Variants in RELCH observed in about 807,000 individuals in gnomAD.
RELCH encodes RAB11-binding protein RELCH.
RELCH carries 41 observed loss-of-function variants against 150.3 expected under a neutral mutation model. The ratio of observed to expected loss-of-function variants is 0.27; its 90% CI spans 0.21 to 0.35. The LOEUF is 0.35. RELCH is among the 10% of genes least tolerant of loss of function. The pLI, the probability that RELCH is intolerant of heterozygous loss-of-function variation, is 1.00. For synonymous variants in RELCH, 478 were observed against 531.8 expected (o/e 0.90, Z 1.39); for missense variants, 1,092 against 1,467.8 (o/e 0.74, Z 4.18).
At chr18:62,265,450 A>C (rs1393727166) in intron 18 of RELCH, among the ~76,000 whole-genome samples, 2 of 152,030 alleles carry the variant, frequency 1.3e-5, no homozygotes, top group East Asian at 3.9e-4. Flanking sequence ...AATCCTATTA[A>C]TCCATTTGTC....
At chr18:62,295,447 T>C (rs1019756814) in intron 27 of RELCH, among the ~76,000 whole-genome samples, 7 of 152,032 alleles carry the variant, frequency 4.6e-5, no homozygotes, top group Non-Finnish European at 1.0e-4. Context: ...CTGTTTTACT[T>C]ATATCTGTTT....
intron 12 of RELCH, among the ~76,000 whole-genome samples, chr18:62,254,919 T>G (rs1048340949): frequency 6.6e-6 from 1 of 152,202 alleles, no homozygotes; most frequent in African/African-American, 2.4e-5. Context: ...GATTGAAGTC[T>G]GCTTACTTTA....
intron 27 of RELCH, among the ~76,000 whole-genome samples, chr18:62,293,226 G>A (rs1358698641): frequency 6.6e-6 from 1 of 152,126 alleles, no homozygotes; most frequent in Non-Finnish European, 1.5e-5. Flanking sequence ...ATTAGTCAGG[G>A]TTCTCCAGAG....
At chr18:62,295,040 T>C (rs2939419) in intron 27 of RELCH, among the ~76,000 whole-genome samples, 111,206 of 152,054 alleles carry the variant, frequency 0.73, 40,919 homozygotes, top group East Asian at 0.9. Flanking sequence ...GTCCAGAAAT[T>C]CAGTAGGACA....
chr18:62,272,130 T>C (rs1363081115), intron 20 of RELCH, among the ~76,000 whole-genome samples: 1 of 152,184 alleles, frequency 6.6e-6, no homozygotes, highest in Non-Finnish European at 1.5e-5. Context: ...ACTACCCTGA[T>C]ATGGATACTT....
At position 62,299,662 on chromosome 18, in the gene RELCH, A is replaced by G. The variant is rs537661637; in HGVS notation, c.3530+802A>G. ...ATTTTAACCACAGAGGATTAAAACA[A>G]TAGACACATTCACATCTTCTATATT... On this transcript the variant is annotated intron_variant, in intron 28 of 28. Transcript: ENST00000644646. Among the ~76,000 whole-genome samples, 19 of 152,300 alleles carry G rather than the reference A, an allele frequency of 1.2e-4. 1 individual carries two copies. In the South Asian group the frequency reaches 3.1e-3, roughly 25 times the overall value.
rs763648314 is a variant in RELCH, at chr18:62,213,501, G to A, written c.616+2259G>A. 1.8e-4 allele frequency among the ~76,000 whole-genome samples: 27 copies of A among 152,114 alleles called. No individual in the cohort carries two copies. In the East Asian group the frequency reaches 4.8e-3, roughly 27 times the overall value. ...ATCCCAGCACTTGGGAGGCAGAGGC[G>A]GGTCGATCACCTGAGGTCAGGAGTT... is the stretch of plus-strand genomic sequence containing the variant. On this transcript the variant is annotated intron_variant, in intron 2 of 28. Coordinates refer to ENST00000644646, the MANE Select transcript of RELCH (RefSeq NM_001346231.2).
chr18:62,190,996 C>G (rs2038592097), intron 1 of RELCH, among the ~76,000 whole-genome samples: 1 of 152,136 alleles, frequency 6.6e-6, no homozygotes, highest in Non-Finnish European at 1.5e-5. Flanking sequence ...TTTTGTGTAT[C>G]TGCCTTCAGC....
intron 22 of RELCH, among the ~76,000 whole-genome samples, chr18:62,276,584 T>G (rs776977734): frequency 6.6e-6 from 1 of 152,116 alleles, no homozygotes; most frequent in Non-Finnish European, 1.5e-5. Flanking sequence ...ATAAAAAGAA[T>G]TGGTTAATTC....
At chr18:62,212,806 C>T (rs752430544) in intron 2 of RELCH, among the ~76,000 whole-genome samples, 3 of 152,112 alleles carry the variant, frequency 2.0e-5, no homozygotes, top group Non-Finnish European at 4.4e-5. Flanking sequence ...TAGGTTTGAT[C>T]TAATTTAAAA....
At chr18:62,207,205 A>G (rs1223097920) in intron 1 of RELCH, among the ~76,000 whole-genome samples, 1 of 152,072 alleles carries the variant, frequency 6.6e-6, no homozygotes, top group East Asian at 1.9e-4. Context: ...TTCTATCACT[A>G]TATATTTGCC....
chr18:62,213,385 G>A (rs2040285209), intron 2 of RELCH, among the ~76,000 whole-genome samples: 1 of 151,796 alleles, frequency 6.6e-6, no homozygotes, highest in African/African-American at 2.4e-5. Context: ...AGATATTTTA[G>A]TACTTCTAAT....
intron 5 of RELCH, among the ~76,000 whole-genome samples, chr18:62,222,977 A>G (rs777536747): frequency 6.6e-6 from 1 of 152,034 alleles, no homozygotes; most frequent in Non-Finnish European, 1.5e-5. Flanking sequence ...GGATATAACT[A>G]AAATAGCACT....
intron 25 of RELCH, among the ~76,000 whole-genome samples, chr18:62,283,141 TG>T (rs1215108361): frequency 2.0e-5 from 3 of 152,240 alleles, no homozygotes; most frequent in African/African-American, 7.2e-5. Context: ...AGGAAATTTT[TG>T]TGTGTTTCTA....
At chr18:62,231,723 G>T (rs2041591597) in intron 9 of RELCH, among the ~76,000 whole-genome samples, 1 of 151,924 alleles carries the variant, frequency 6.6e-6, no homozygotes, top group Middle Eastern at 3.2e-3. Flanking sequence ...TCTTGAGGGG[G>T]TATTTTATTA....
At chr18:62,261,260 A>G (rs1449718630) in intron 15 of RELCH, among the ~76,000 whole-genome samples, 1 of 152,018 alleles carries the variant, frequency 6.6e-6, no homozygotes, top group Non-Finnish European at 1.5e-5. Flanking sequence ...ATTTCAAAAG[A>G]TAAGACCTTC....
At chr18:62,259,312 G>C (rs1291226068) in intron 15 of RELCH, among the ~76,000 whole-genome samples, 1 of 151,762 alleles carries the variant, frequency 6.6e-6, no homozygotes, top group South Asian at 2.1e-4. Flanking sequence ...AATGCTGCTG[G>C]GTTAGCGTTT....
At chr18:62,237,130 C>T (rs186692796) in intron 10 of RELCH, among the ~76,000 whole-genome samples, 1 of 151,884 alleles carries the variant, frequency 6.6e-6, no homozygotes, top group Admixed American at 6.6e-5. Flanking sequence ...TTCTTAATTT[C>T]ATTCTGTTGT....
chr18:62,299,175 A>G (rs1179320763), intron 28 of RELCH, among the ~76,000 whole-genome samples: 1 of 152,234 alleles, frequency 6.6e-6, no homozygotes. Flanking sequence ...TTCACTCACC[A>G]GTCAAAAGAA....
Sources: allele counts gnomAD v4.1 joint callset (sites outside exome capture counted in the v4.1 genomes callset), GRCh38; gene constraint gnomAD v4.1.1; transcripts MANE v1.5; gene names NCBI Gene and HGNC (gene_info 2026-07-23, HGNC 2026-07-21).